Variants in ANKRD12 observed in about 807,000 individuals in gnomAD.
ANKRD12 encodes the protein ankyrin repeat domain 12.
A neutral mutation model predicts 183.4 loss-of-function variants in ANKRD12; 85 were observed. The ratio of observed to expected loss-of-function variants is 0.46; its 90% CI spans 0.39 to 0.56. The LOEUF is 0.56. Ranked by LOEUF, ANKRD12 falls within the 20% of genes least tolerant of loss-of-function variation. ANKRD12 has a pLI of 0.00. For missense variants in ANKRD12, 2,405 were observed against 2,357.1 expected (o/e 1.02, Z -0.42); for synonymous variants, 914 against 800.2 (o/e 1.14, Z -2.40).
Position 9,257,956 on chromosome 18 carries a change from G to GT in ANKRD12, c.4690dup (p.Tyr1564LeufsTer3). On this transcript the variant is annotated frameshift_variant, in exon 9 of 13. Coordinates refer to ENST00000262126, the MANE Select transcript of ANKRD12 (RefSeq NM_015208.5). LOFTEE classifies it high-confidence loss of function. ...AAAAAACAGATGCCTTTGTCCCAGT[G>GT]TACTCTGACAGCACTATTCAAGAAG... The GT allele has an allele frequency of 6.2e-7, 1 of 1,613,956 alleles. No individual in the cohort carries two copies. The highest frequency in any genetic ancestry group is 1.1e-5 in the South Asian group (1 of 91,072).
rs987929344 is a variant in ANKRD12 at position 9,216,671 on chromosome 18, T to C, written c.653-87T>C. On this transcript the variant is annotated intron_variant, in intron 6 of 12. Coordinates refer to ENST00000262126, the MANE Select transcript of ANKRD12 (RefSeq NM_015208.5). Reference sequence around the variant, plus strand: ...TTGCACGATGTGCAGTTTTAGAATTTATATGTCACACATTGGTATGTATAT... The same window carrying C: ...TTGCACGATGTGCAGTTTTAGAATTCATATGTCACACATTGGTATGTATAT... 5.9e-6 allele frequency: 8 copies of C among 1,364,360 alleles called. No homozygotes were observed. The East Asian group carries it at 1.7e-4, about 29-fold the overall frequency. The allele number at this position is 1,364,360 out of a possible 1,614,324, so 84.5% of individuals were successfully genotyped here.
chr18:9,217,240 A>AT (rs2036160869), intron 7 of ANKRD12, among the ~76,000 whole-genome samples: 1 of 152,188 alleles, frequency 6.6e-6, no homozygotes, highest in African/African-American at 2.4e-5. Context: ...TTTGAAGGGC[A>AT]TTTTACTTTA....
chr18:9,203,467 A>G (rs895228554), intron 3 of ANKRD12, among the ~76,000 whole-genome samples: 3 of 152,198 alleles, frequency 2.0e-5, no homozygotes, highest in African/African-American at 7.2e-5. Context: ...AATGGCATTT[A>G]TAAGTCAAAA....
At chr18:9,225,659 A>G (rs905526603) in intron 8 of ANKRD12, among the ~76,000 whole-genome samples, 2 of 152,164 alleles carry the variant, frequency 1.3e-5, no homozygotes, top group Non-Finnish European at 2.9e-5. Context: ...TCCATCTTAA[A>G]TTCTCTGTCC....
intron 8 of ANKRD12, 42 bp from the exon 9 acceptor site, chr18:9,254,158 CTGGCAGTTGTG>C: frequency 7.0e-7 from 1 of 1,433,544 alleles, no homozygotes; most frequent in Non-Finnish European, 9.1e-7. Flanking sequence ...AATTATTTTT[CTGGCAGTTGTG>C]TTTTGTTTGA....
chr18:9,237,430 C>T (rs1203105399), intron 8 of ANKRD12, among the ~76,000 whole-genome samples: 2 of 152,148 alleles, frequency 1.3e-5, no homozygotes, highest in African/African-American at 2.4e-5. Context: ...CATGATCTAG[C>T]AGTCAAACTT....
chr18:9,172,516 A>G (rs956954975), intron 1 of ANKRD12, among the ~76,000 whole-genome samples: 3 of 152,108 alleles, frequency 2.0e-5, no homozygotes, highest in Admixed American at 6.5e-5. Context: ...CTATTCTGCT[A>G]TTGATACTTG....
chr18:9,229,533 T>C (rs191212585), intron 8 of ANKRD12, among the ~76,000 whole-genome samples: 28 of 152,134 alleles, frequency 1.8e-4, no homozygotes, highest in African/African-American at 6.0e-4. Flanking sequence ...TTATTCCTAG[T>C]TGTTTGTTGT....
intron 1 of ANKRD12, among the ~76,000 whole-genome samples, chr18:9,179,056 T>A (rs991236755): frequency 1.3e-5 from 2 of 152,216 alleles, no homozygotes; most frequent in African/African-American, 4.8e-5. Context: ...TTGTAGGTTG[T>A]ATTTTTAATT....
At chr18:9,180,736 T>C (rs574551693) in intron 1 of ANKRD12, among the ~76,000 whole-genome samples, 2 of 152,342 alleles carry the variant, frequency 1.3e-5, no homozygotes, top group African/African-American at 4.8e-5. Context: ...TTGTTACTGC[T>C]GGCATTTTTC....
At chr18:9,246,072 GAC>G (rs1470408304) in intron 8 of ANKRD12, among the ~76,000 whole-genome samples, 1 of 152,152 alleles carries the variant, frequency 6.6e-6, no homozygotes, top group Non-Finnish European at 1.5e-5. Context: ...AGATGAATGA[GAC>G]AATTTATAGA....
At chr18:9,204,952 C>A (rs1207777290) in intron 4 of ANKRD12, among the ~76,000 whole-genome samples, 1 of 152,166 alleles carries the variant, frequency 6.6e-6, no homozygotes, top group Non-Finnish European at 1.5e-5. Context: ...TGTCATCTTA[C>A]CGTTTAGTCA....
chr18:9,143,585 C>T (rs757176063), intron 1 of ANKRD12, among the ~76,000 whole-genome samples: 2 of 152,256 alleles, frequency 1.3e-5, no homozygotes, highest in Admixed American at 6.5e-5. Context: ...CCCAGCTCCC[C>T]GAGGAGCTGG....
At chr18:9,184,081 T>G (rs1353013020) in intron 2 of ANKRD12, among the ~76,000 whole-genome samples, 4 of 152,238 alleles carry the variant, frequency 2.6e-5, no homozygotes, top group Admixed American at 2.0e-4. Flanking sequence ...TGCTTCAATA[T>G]AGCTCCATTT....
intron 1 of ANKRD12, among the ~76,000 whole-genome samples, chr18:9,148,256 C>A (rs1156755905): frequency 1.3e-5 from 2 of 152,118 alleles, no homozygotes; most frequent in Non-Finnish European, 2.9e-5. Context: ...CCAACCCTCT[C>A]AATTGCAGAT....
intron 1 of ANKRD12, among the ~76,000 whole-genome samples, chr18:9,143,547 G>A (rs543168348): frequency 6.4e-4 from 98 of 152,190 alleles, no homozygotes; most frequent in Middle Eastern, 3.4e-3. Flanking sequence ...TGCAACCTCC[G>A]CCTCCTGGTT....
At chr18:9,261,571 C>T (rs1282961551) in intron 9 of ANKRD12, among the ~76,000 whole-genome samples, 2 of 152,156 alleles carry the variant, frequency 1.3e-5, no homozygotes, top group South Asian at 2.1e-4. Flanking sequence ...ATTATTTTGC[C>T]CCTGCTGATC....
chr18:9,279,956 G>A (rs2040031269), intron 12 of ANKRD12, among the ~76,000 whole-genome samples: 1 of 152,040 alleles, frequency 6.6e-6, no homozygotes, highest in South Asian at 2.1e-4. Flanking sequence ...AAGGAATATA[G>A]TTTTCAAATC....
intron 1 of ANKRD12, among the ~76,000 whole-genome samples, chr18:9,176,539 C>T (rs1250145405): frequency 6.6e-6 from 1 of 152,020 alleles, no homozygotes; most frequent in Non-Finnish European, 1.5e-5. Flanking sequence ...AGTCTGTCTG[C>T]CTCAGCCTCC....
Sources: allele counts gnomAD v4.1 joint callset (sites outside exome capture counted in the v4.1 genomes callset), GRCh38; gene constraint gnomAD v4.1.1; transcripts MANE v1.5; gene names NCBI Gene and HGNC (gene_info 2026-07-23, HGNC 2026-07-21).